Variants in FOXP1 observed in about 807,000 individuals in gnomAD.
FOXP1 encodes forkhead box protein P1.
In FOXP1, 15 loss-of-function variants were observed where a neutral mutation model predicts 98.2. That is an observed-to-expected ratio of 0.15 (90% CI 0.10 to 0.24). The LOEUF is 0.24. FOXP1 is among the 10% of genes least tolerant of loss of function. FOXP1 has a pLI of 1.00. For missense variants in FOXP1, 633 were observed against 848.5 expected, an observed-to-expected ratio of 0.75 and a Z score of 3.15; for synonymous variants, 371 against 314.5, an observed-to-expected ratio of 1.18 and a Z score of -1.90.
At chr3:71,422,768 A>G (rs1014374066) in intron 3 of FOXP1, among the ~76,000 whole-genome samples, 1 of 152,138 alleles carries the variant, frequency 6.6e-6, no homozygotes, top group Non-Finnish European at 1.5e-5. Context: ...AATGGAAGAA[A>G]AAAAGGGGTG....
chr3:71,238,600 G>C (rs2066993662), intron 5 of FOXP1, among the ~76,000 whole-genome samples: 1 of 152,190 alleles, frequency 6.6e-6, no homozygotes, highest in Non-Finnish European at 1.5e-5. Context: ...GAAAAGATTA[G>C]AATAACAGCA....
At chr3:71,544,472 A>G (rs1490000318) in intron 2 of FOXP1, among the ~76,000 whole-genome samples, 1 of 152,186 alleles carries the variant, frequency 6.6e-6, no homozygotes, top group Non-Finnish European at 1.5e-5. Context: ...ACAAGTGAAC[A>G]AAGTTTGATC....
chr3:71,023,774 T>C (rs929470002), intron 11 of FOXP1, among the ~76,000 whole-genome samples: 13 of 152,370 alleles, frequency 8.5e-5, no homozygotes, highest in African/African-American at 3.1e-4. Flanking sequence ...ATCAGACTTC[T>C]GATTTGAAAT....
chr3:71,105,954 T>C (rs2057388602), intron 7 of FOXP1, among the ~76,000 whole-genome samples: 1 of 152,224 alleles, frequency 6.6e-6, no homozygotes, highest in African/African-American at 2.4e-5. Flanking sequence ...ATGGAAAATA[T>C]GACACTCAGT....
At chr3:71,154,363 T>A (rs1017130996) in intron 6 of FOXP1, among the ~76,000 whole-genome samples, 3 of 152,192 alleles carry the variant, frequency 2.0e-5, no homozygotes, top group Non-Finnish European at 2.9e-5. Context: ...TTCTTAAGAC[T>A]GATTCAGACT....
At position 71,112,535 on chromosome 3, in the gene FOXP1, C is replaced by G; in HGVS notation, c.282+1G>C. The G allele has an allele frequency of 6.2e-7, 1 of 1,607,902 alleles. No individual in the cohort carries two copies. Among genetic ancestry groups the G allele is most frequent in the Non-Finnish European group, 8.5e-7 (1 of 1,174,332 alleles). ...AATTTAAAAAGAAAAAGAATTGTTA[C>G]CTGAAGAGCTGGTTGTTTGTCATTC... On this transcript the variant is annotated splice_donor_variant, in intron 7 of 20. Coordinates refer to ENST00000649528, the MANE Select transcript of FOXP1 (RefSeq NM_001349338.3). LOFTEE classifies it high-confidence loss of function.
chr3:71,124,820 A>C (rs1291632371), intron 6 of FOXP1, among the ~76,000 whole-genome samples: 2 of 152,238 alleles, frequency 1.3e-5, no homozygotes, highest in African/African-American at 4.8e-5. Flanking sequence ...GCATAAGAGA[A>C]TATATTTTCT....
At chr3:71,294,801 T>G (rs2073120147) in intron 5 of FOXP1, among the ~76,000 whole-genome samples, 1 of 152,100 alleles carries the variant, frequency 6.6e-6, no homozygotes, top group South Asian at 2.1e-4. Context: ...ATCTTACCAG[T>G]TAAGTGACAA....
chr3:71,313,626 C>T (rs1317885571), intron 4 of FOXP1, among the ~76,000 whole-genome samples: 3 of 151,372 alleles, frequency 2.0e-5, no homozygotes, highest in African/African-American at 4.8e-5. Context: ...CCCGGGTTCC[C>T]GCCATTCTCC....
intron 3 of FOXP1, among the ~76,000 whole-genome samples, chr3:71,383,733 C>T (rs1379758062): frequency 6.6e-6 from 1 of 152,040 alleles, no homozygotes; most frequent in Non-Finnish European, 1.5e-5. Context: ...AGACCAGGCC[C>T]CCTTGAACCT....
At chr3:71,344,016 T>C (rs1577060502) in intron 4 of FOXP1, among the ~76,000 whole-genome samples, 1 of 152,220 alleles carries the variant, frequency 6.6e-6, no homozygotes, top group Non-Finnish European at 1.5e-5. Flanking sequence ...GAACTACATA[T>C]AGAAACAGTT....
rs550797662 is a variant in FOXP1, at chr3:71,218,645, T to C, written c.-11-20253A>G. On this transcript the variant is annotated intron_variant, in intron 5 of 20. Coordinates refer to ENST00000649528, the MANE Select transcript of FOXP1 (RefSeq NM_001349338.3). ...CAGGCCAGATGCTCTCTGTCCCAGC[T>C]ACTTAGCGCTGCTGTTGTGGAGCAA... Among the ~76,000 whole-genome samples, 8 of 152,348 alleles carry C rather than the reference T, an allele frequency of 5.3e-5. No individual in the cohort carries two copies. In the South Asian group the frequency reaches 1.7e-3, roughly 32 times the overall value.
At chr3:71,012,465 T>C (rs1188464455) in intron 12 of FOXP1, among the ~76,000 whole-genome samples, 1 of 152,182 alleles carries the variant, frequency 6.6e-6, no homozygotes, top group Non-Finnish European at 1.5e-5. Context: ...ATCGTGATTG[T>C]TCACATCTAG....
chr3:71,279,820 T>C (rs1263507989), intron 5 of FOXP1, among the ~76,000 whole-genome samples: 1 of 152,076 alleles, frequency 6.6e-6, no homozygotes, highest in East Asian at 1.9e-4. Flanking sequence ...TATACCAAAC[T>C]GCCCAATAAA....
chr3:71,312,005 G>A (rs1324530728), intron 4 of FOXP1, among the ~76,000 whole-genome samples: 6 of 152,132 alleles, frequency 3.9e-5, no homozygotes, highest in Non-Finnish European at 2.9e-5. Context: ...AAAAGCCTAC[G>A]TAATTTAAAA....
chr3:71,244,557 A>G (rs2067565182), intron 5 of FOXP1, among the ~76,000 whole-genome samples: 1 of 152,142 alleles, frequency 6.6e-6, no homozygotes, highest in Non-Finnish European at 1.5e-5. Context: ...CAAGTAGAGA[A>G]GAATTGGAAG....
chr3:70,959,713 T>C (rs1676237812), intron 20 of FOXP1, among the ~76,000 whole-genome samples: 1 of 152,200 alleles, frequency 6.6e-6, no homozygotes, highest in Admixed American at 6.5e-5. Flanking sequence ...TCTGAATCAC[T>C]AGTCTCTGGA....
intron 7 of FOXP1, among the ~76,000 whole-genome samples, chr3:71,083,261 C>A: frequency 6.6e-6 from 1 of 152,134 alleles, no homozygotes; most frequent in South Asian, 2.1e-4. Context: ...ATCTCTCTCT[C>A]ACTCCTGCTC....
At chr3:71,103,270 A>G (rs1266728586) in intron 7 of FOXP1, among the ~76,000 whole-genome samples, 1 of 152,210 alleles carries the variant, frequency 6.6e-6, no homozygotes, top group Non-Finnish European at 1.5e-5. Flanking sequence ...GAAAAATACT[A>G]TATTGTGGAA....
Sources: allele counts gnomAD v4.1 joint callset (sites outside exome capture counted in the v4.1 genomes callset), GRCh38; gene constraint gnomAD v4.1.1; transcripts MANE v1.5; gene names NCBI Gene and HGNC (gene_info 2026-07-23, HGNC 2026-07-21).